Variants in PLEKHG5 observed in about 807,000 individuals in gnomAD.
PLEKHG5 encodes pleckstrin homology and RhoGEF domain containing G5.
A neutral mutation model predicts 103.8 loss-of-function variants in PLEKHG5; 52 were observed. The ratio of observed to expected loss-of-function variants is 0.50; its 90% CI spans 0.40 to 0.63. PLEKHG5 has a LOEUF of 0.63. Ranked by LOEUF, PLEKHG5 falls within the 30% of genes least tolerant of loss-of-function variation. PLEKHG5 has a pLI of 0.00. For missense variants in PLEKHG5, 1,205 were observed against 1,347.6 expected, an observed-to-expected ratio of 0.89 and a Z score of 1.66; for synonymous variants, 592 against 575.5, an observed-to-expected ratio of 1.03 and a Z score of -0.41.
At chr1:6,470,675 G>T in intron 14 of PLEKHG5, 32 bp from the exon 15 acceptor site, 1 of 1,555,880 alleles carries the variant, frequency 6.4e-7, no homozygotes, top group East Asian at 2.4e-5. Flanking sequence ...TCAGGTCCAG[G>T]GTCATGACGG....
At chr1:6,503,258 C>T (rs1199119014) in intron 1 of PLEKHG5, among the ~76,000 whole-genome samples, 1 of 152,088 alleles carries the variant, frequency 6.6e-6, no homozygotes, top group Non-Finnish European at 1.5e-5. Flanking sequence ...TCTACAAAAA[C>T]ATTAAAAAAC....
At chr1:6,474,723 A>G (rs553611404) in intron 5 of PLEKHG5, 136 bp from the exon 6 acceptor site, 6 of 777,994 alleles carry the variant, frequency 7.7e-6, no homozygotes, top group South Asian at 7.4e-5. Flanking sequence ...GGAAGCCCGC[A>G]TGGGATCACA....
Position 6,475,456 on chromosome 1 carries a change from C to T in PLEKHG5, c.210+6G>A, listed in dbSNP as rs1048012981. 1.9e-6 allele frequency: 3 copies of T among 1,613,086 alleles called. No homozygotes were observed. The highest frequency in any genetic ancestry group is 1.7e-6 in the Non-Finnish European group (2 of 1,179,454). ...CCGCATCTGCCGGCTCTGGGGGGCTCCTCACATCCGTGTGTCTCCTCCTTG... is the reference window on the plus strand; with the variant it reads ...CCGCATCTGCCGGCTCTGGGGGGCTTCTCACATCCGTGTGTCTCCTCCTTG... On this transcript the variant is annotated splice_donor_region_variant and intron_variant, in intron 4 of 20. Transcript: ENST00000377728.
intron 2 of PLEKHG5, 103 bp downstream of exon 2, chr1:6,477,426 A>G: frequency 2.5e-6 from 3 of 1,193,774 alleles, no homozygotes; most frequent in Middle Eastern, 3.8e-4. Context: ...TTCATTATTT[A>G]CAGTCGACTT....
intron 1 of PLEKHG5, among the ~76,000 whole-genome samples, chr1:6,511,627 T>TGGGACTGAGGCATGTGAGATGG (rs1638473711): frequency 6.6e-6 from 1 of 152,108 alleles, no homozygotes; most frequent in Non-Finnish European, 1.5e-5. Context: ...CCCCAGGCGC[T>TGGGACTGAGGCATGTGAGATGG]GGGACTGAGG....
chr1:6,473,090 AGCGCAGCCCCCGGGGCAGCCT>A lies in PLEKHG5; in HGVS notation c.859_879del (p.Arg287_Arg293del). 2.3e-5 allele frequency: 37 copies of A among 1,614,018 alleles called. No individual in the cohort carries two copies. The highest frequency in any genetic ancestry group is 3.1e-5 in the Non-Finnish European group (37 of 1,179,974). The stretch of plus-strand genomic sequence containing the variant: ...TCCTCCTCCCAGGAGTCATGGTCGA[AGCGCAGCCCCCGGGGCAGCCT>A]GGGCAGCCCGAAGAGGCTGTAGGTG... On this transcript the variant is annotated inframe_deletion, in exon 9 of 21. Transcript: ENST00000377728.
intron 1 of PLEKHG5, among the ~76,000 whole-genome samples, chr1:6,481,838 TG>T (rs1218200216): frequency 1.3e-5 from 2 of 148,288 alleles, no homozygotes; most frequent in Non-Finnish European, 3.0e-5. Flanking sequence ...CACTCCAGCC[TG>T]GGCTACAGGG....
At chr1:6,478,730 G>A (rs1463865670) in intron 1 of PLEKHG5, among the ~76,000 whole-genome samples, 2 of 151,826 alleles carry the variant, frequency 1.3e-5, no homozygotes, top group African/African-American at 2.4e-5. Context: ...TGCATCCTCC[G>A]CCTCCCGGGT....
chr1:6,468,123 G>A lies in PLEKHG5; in HGVS notation c.2713C>T (p.Leu905Phe), dbSNP rs774696513. 2.3e-5 allele frequency: 36 copies of A among 1,574,576 alleles called. No individual in the cohort carries two copies. The highest frequency in any genetic ancestry group is 2.6e-5 in the Non-Finnish European group (30 of 1,160,144). The part of the protein sequence containing the change: ...PSAPSRSLSE[L>F]CLAVPAPGIR... ...CCTGGGGCTGGAACAGCCAGGCAGAGCTCTGACAGGCTGCGGCTGGGGGCA... is the reference window on the plus strand; with the variant it reads ...CCTGGGGCTGGAACAGCCAGGCAGAACTCTGACAGGCTGCGGCTGGGGGCA... Residue 905 changes from leucine to phenylalanine, a missense_variant, in exon 20 of 21, where the codon CTC (leucine) becomes TTC (phenylalanine). Transcript: ENST00000377728.
At chr1:6,467,610 G>T in intron 20 of PLEKHG5, 38 bp from the exon 21 acceptor site, 1 of 1,609,554 alleles carries the variant, frequency 6.2e-7, no homozygotes, top group Non-Finnish European at 8.5e-7. Context: ...TTCTTTGGCT[G>T]ACGCCATTCA....
At position 6,469,661 on chromosome 1, in the gene PLEKHG5, A is replaced by G. The variant is rs1438946515; in HGVS notation, c.1816T>C (p.Phe606Leu). The G allele has an allele frequency of 1.2e-6, 2 of 1,613,330 alleles. No homozygotes were observed. Among genetic ancestry groups the G allele is most frequent in the East Asian group, 2.2e-5 (1 of 44,878 alleles). Reference protein sequence around the residue: ...GKDSKMDVYCFLFTDLLLVTK... With the variant: ...GKDSKMDVYCLLFTDLLLVTK... ...ACCAACAGCAGATCCGTGAAGAGGA[A>G]GCAGTACACATCCATCTGCAGTGGC... Residue 606 changes from phenylalanine (F) to leucine (L), a missense_variant, in exon 17 of 21, where the codon TTC becomes CTC. Physicochemically the swap from Phe to Leu is conservative, Grantham distance 22 (BLOSUM62 0). Transcript: ENST00000377728.
upstream of PLEKHG5, among the ~76,000 whole-genome samples, chr1:6,499,297 AC>A (rs879628259): frequency 3.0e-4 from 46 of 152,248 alleles, no homozygotes; most frequent in Non-Finnish European, 5.6e-4. Context: ...ATCGGGCCTG[AC>A]TATCCTGTGG....
chr1:6,520,034 G>A (rs1242125551), upstream of PLEKHG5: 1 of 210,608 alleles, frequency 4.7e-6, no homozygotes, highest in Non-Finnish European at 9.6e-6. Context: ...GCCAGGCAGA[G>A]AGGGGCTGGT....
At position 6,471,621 on chromosome 1, in the gene PLEKHG5, A is replaced by T. The variant is rs1460917705; in HGVS notation, c.1148T>A (p.Leu383Gln). Residue 383 changes from leucine to glutamine, a missense_variant, in exon 12 of 21, where the codon CTG becomes CAG. By Grantham distance (113) the Leu-to-Gln change is moderately radical. Transcript: ENST00000377728. ...GLLCEVEAER[L>Q]FSNIPEIAQL... ...CGCGATCTCCGGGATGTTGCTGAAC[A>T]GGCGCTCCGCCTCCACCTGGGCGCG... 2 of 1,590,304 alleles carry T rather than the reference A, an allele frequency of 1.3e-6. No homozygotes were observed. Among genetic ancestry groups the T allele is most frequent in the South Asian group, 1.1e-5 (1 of 88,088 alleles).
In PLEKHG5 at chr1:6,476,064, C is replaced by T. The variant is rs1312490774; in HGVS notation, c.44-28G>A. The T allele has an allele frequency of 2.5e-6, 4 of 1,581,006 alleles. No homozygotes were observed. In the South Asian group the frequency reaches 3.3e-5, roughly 13 times the overall value. ...TGGGAGAAAGCAGGAGAGGGTTGTG[C>T]CTCCCCCGCCCCTCCTTAGCCTGCA... On this transcript the variant is annotated intron_variant, in intron 2 of 20. Coordinates refer to ENST00000377728, the MANE Select transcript of PLEKHG5 (RefSeq NM_020631.6).
At chr1:6,476,879 G>A (rs924864336) in intron 2 of PLEKHG5, among the ~76,000 whole-genome samples, 3 of 152,068 alleles carry the variant, frequency 2.0e-5, no homozygotes, top group Admixed American at 6.6e-5. Context: ...CTCAGCCTCC[G>A]AGCAGCTGGG....
rs1266507622 is a variant in PLEKHG5 at position 6,470,794 on chromosome 1, GCAGCAGCGGGTACTTGGTGAGCCGCT to G, written c.1457_1482del (p.Gln486ProfsTer160). The G allele has an allele frequency of 6.4e-7, 1 of 1,573,876 alleles. No individual in the cohort carries two copies. The highest frequency in any genetic ancestry group is 8.6e-7 in the Non-Finnish European group (1 of 1,160,432). On this transcript the variant is annotated frameshift_variant, in exon 14 of 21. Transcript: ENST00000377728. LOFTEE classifies it high-confidence loss of function. ...TCGGTCTTCCTCAGCACCGACTTGA[GCAGCAGCGGGTACTTGGTGAGCCGCT>G]GGTGGGGTTTGGCCAGCATGTCGCT... is the stretch of plus-strand genomic sequence containing the variant.
upstream of PLEKHG5, among the ~76,000 whole-genome samples, chr1:6,500,397 GC>G (rs1220349260): frequency 6.6e-6 from 1 of 152,108 alleles, no homozygotes; most frequent in Non-Finnish European, 1.5e-5. Context: ...GGCCTCCTCT[GC>G]CTGCCCCGGG....
chr1:6,496,679 C>T, exon 1 of PLEKHG5: 2 of 710,838 alleles, frequency 2.8e-6, no homozygotes, highest in South Asian at 4.8e-5. Flanking sequence ...GTCCTCCCTT[C>T]AAAAGAGGTC....
Sources: gnomAD v4.1 joint callset for allele counts (sites outside exome capture counted in the v4.1 genomes callset) on GRCh38, gnomAD v4.1.1 for gene constraint, MANE v1.5 for transcripts, NCBI Gene and HGNC (gene_info 2026-07-23, HGNC 2026-07-21) for gene names.